TMEM45A: variants seen among roughly 807,000 people sequenced by gnomAD.
TMEM45A encodes transmembrane protein 45A.
In TMEM45A, 25 loss-of-function variants were observed where a neutral mutation model predicts 32.0. That is an observed-to-expected ratio of 0.78 (90% CI 0.57 to 1.09). TMEM45A has a LOEUF of 1.09. TMEM45A is among the 50% of genes least tolerant of loss of function. TMEM45A has a pLI of 0.00. For missense variants in TMEM45A, 302 were observed against 325.0 expected (o/e 0.93, Z 0.54); for synonymous variants, 122 against 114.8 (o/e 1.06, Z -0.40).
At chr3:100,544,581 A>G (rs1379520259) in intron 1 of TMEM45A, among the ~76,000 whole-genome samples, 1 of 152,132 alleles carries the variant, frequency 6.6e-6, no homozygotes, top group East Asian at 1.9e-4. Flanking sequence ...AGTTTTCTCT[A>G]TATTAGAATT....
intron 4 of TMEM45A, among the ~76,000 whole-genome samples, chr3:100,565,277 C>T (rs553437945): frequency 7.2e-5 from 11 of 152,224 alleles, no homozygotes; most frequent in South Asian, 4.2e-4. Flanking sequence ...GTGAGGATTA[C>T]GTGACAAGCA....
chr3:100,508,266 A>G (rs750373253), intron 1 of TMEM45A, among the ~76,000 whole-genome samples: 10 of 152,244 alleles, frequency 6.6e-5, no homozygotes, highest in Middle Eastern at 3.4e-3. Flanking sequence ...CATGGGTCAC[A>G]CACATAGCCC....
At chr3:100,549,045 C>T (rs1008400367) in intron 1 of TMEM45A, among the ~76,000 whole-genome samples, 1 of 152,104 alleles carries the variant, frequency 6.6e-6, no homozygotes, top group South Asian at 2.1e-4. Context: ...GTCAGGAGTT[C>T]GAGACCAGCC....
intron 1 of TMEM45A, among the ~76,000 whole-genome samples, chr3:100,546,885 C>T (rs139567925): frequency 4.5e-4 from 69 of 152,290 alleles, no homozygotes; most frequent in African/African-American, 1.5e-3. Flanking sequence ...TTCGTTAACT[C>T]TGTGACATAG....
intron 1 of TMEM45A, among the ~76,000 whole-genome samples, chr3:100,523,028 C>T (rs1705464244): frequency 6.6e-6 from 1 of 152,220 alleles, no homozygotes; most frequent in East Asian, 1.9e-4. Flanking sequence ...GCCAGCATGA[C>T]CAGGATCCTT....
chr3:100,550,032 C>A (rs1447192883), intron 1 of TMEM45A, among the ~76,000 whole-genome samples: 5 of 112,456 alleles, frequency 4.4e-5, no homozygotes, highest in African/African-American at 1.8e-4. Context: ...TAAACACACT[C>A]TGGGGACTGT....
chr3:100,511,800 C>CA (rs1039983761), intron 1 of TMEM45A, among the ~76,000 whole-genome samples: 2 of 151,564 alleles, frequency 1.3e-5, no homozygotes, highest in African/African-American at 2.4e-5. Flanking sequence ...AAATGGAAAA[C>CA]AAAAAAAGGC....
chr3:100,540,766 T>C (rs1403900518), intron 1 of TMEM45A, among the ~76,000 whole-genome samples: 3 of 152,250 alleles, frequency 2.0e-5, no homozygotes, highest in Non-Finnish European at 4.4e-5. Flanking sequence ...AGCAGCTTTA[T>C]TCACAATTGT....
intron 1 of TMEM45A, among the ~76,000 whole-genome samples, chr3:100,527,346 A>T (rs538919067): frequency 4.5e-4 from 69 of 152,368 alleles, no homozygotes; most frequent in African/African-American, 1.4e-3. Flanking sequence ...ACTATATTTT[A>T]AAAATCTGTT....
chr3:100,567,518 CAAAAAAAAAAAAA>C (rs780009246), intron 4 of TMEM45A, among the ~76,000 whole-genome samples: 4 of 63,498 alleles, frequency 6.3e-5, no homozygotes, highest in South Asian at 7.2e-4. Flanking sequence ...ACCATTTCTG[CAAAAAAAAAAAAA>C]AAAAAAAAAA....
chr3:100,507,918 A>G (rs1708099930), intron 1 of TMEM45A, among the ~76,000 whole-genome samples: 1 of 151,052 alleles, frequency 6.6e-6, no homozygotes, highest in Non-Finnish European at 1.5e-5. Flanking sequence ...TCTGTTATTC[A>G]CCTTCTCCAC....
At chr3:100,523,806 C>CCTT (rs780519362) in intron 1 of TMEM45A, among the ~76,000 whole-genome samples, 1 of 144,012 alleles carries the variant, frequency 6.9e-6, no homozygotes, top group Non-Finnish European at 1.5e-5. Flanking sequence ...TCCTTCTCCT[C>CCTT]CTCCTCCTCC....
intron 4 of TMEM45A, among the ~76,000 whole-genome samples, chr3:100,562,766 A>C (rs999402204): frequency 6.6e-6 from 1 of 152,174 alleles, no homozygotes; most frequent in African/African-American, 2.4e-5. Flanking sequence ...AATATTAATA[A>C]TATCTCATGG....
chr3:100,492,755 T>TCCCCCCCCC lies in TMEM45A; in HGVS notation c.-175_-174insCCCCCCCCC, dbSNP rs755848570. ...CGACTAGGGACCCAAGTTTAAAAATTCCTCCCCCCACCCAATGCGAGACGT... is the reference window on the plus strand; with the variant it reads ...CGACTAGGGACCCAAGTTTAAAAATTCCCCCCCCCCCTCCCCCCACCCAATGCGAGACGT... On this transcript the variant is annotated 5_prime_UTR_variant, in exon 1 of 6. Coordinates refer to ENST00000323523, the MANE Select transcript of TMEM45A (RefSeq NM_018004.3). 125 of 143,488 alleles carry TCCCCCCCCC rather than the reference T, an allele frequency of 8.7e-4. No individual in the cohort carries two copies. Among genetic ancestry groups the TCCCCCCCCC allele is most frequent in the African/African-American group, 1.2e-3 (45 of 36,824 alleles). 8.9% of individuals were successfully genotyped at this position (143,488 alleles called of 1,614,324 possible). A position where few individuals can be genotyped will look rare whatever the true frequency, so the allele number is the denominator to read the frequency against.
intron 4 of TMEM45A, among the ~76,000 whole-genome samples, chr3:100,561,803 C>G (rs1368400740): frequency 1.3e-5 from 2 of 152,150 alleles, no homozygotes; most frequent in Admixed American, 1.3e-4. Context: ...TTTTTTAGGA[C>G]AGTTGCTTCC....
chr3:100,559,170 G>A (rs1706280338), intron 4 of TMEM45A, among the ~76,000 whole-genome samples: 1 of 152,134 alleles, frequency 6.6e-6, no homozygotes. Context: ...TAACCTTGAT[G>A]AATTGTTGAA....
intron 5 of TMEM45A, chr3:100,572,961 T>A (rs1706599832): frequency 6.6e-6 from 1 of 151,768 alleles, no homozygotes; most frequent in South Asian, 2.1e-4. Flanking sequence ...TTGGTCTATA[T>A]CTCTGTTTTG....
At chr3:100,505,355 C>G (rs1191244112) in intron 1 of TMEM45A, among the ~76,000 whole-genome samples, 1 of 152,172 alleles carries the variant, frequency 6.6e-6, no homozygotes. Context: ...AACATCCCCC[C>G]AACCCATGAC....
At chr3:100,549,120 GC>G (rs1559647747) in intron 1 of TMEM45A, among the ~76,000 whole-genome samples, 3 of 151,810 alleles carry the variant, frequency 2.0e-5, no homozygotes, top group African/African-American at 7.3e-5. Context: ...GGTGGCATGC[GC>G]CTGTAATACC....
Sources: gnomAD v4.1 joint callset for allele counts (sites outside exome capture counted in the v4.1 genomes callset) on GRCh38, gnomAD v4.1.1 for gene constraint, MANE v1.5 for transcripts, NCBI Gene and HGNC (gene_info 2026-07-23, HGNC 2026-07-21) for gene names.